RSBN1: variants seen among roughly 807,000 people sequenced by gnomAD.
RSBN1 encodes the protein round spermatid basic protein 1.
In RSBN1, 23 loss-of-function variants were observed where a neutral mutation model predicts 74.8. The observed-to-expected ratio is 0.31, with a 90% CI of 0.22 to 0.44. The LOEUF is 0.44. Among genes scored for constraint, RSBN1 ranks in the 20% least tolerant of loss-of-function variants. RSBN1 has a pLI of 1.00. For synonymous variants in RSBN1, 407 were observed against 379.6 expected, an observed-to-expected ratio of 1.07 and a Z score of -0.84; for missense variants, 808 against 1,020.9, an observed-to-expected ratio of 0.79 and a Z score of 2.84.
intron 2 of RSBN1, among the ~76,000 whole-genome samples, chr1:113,795,630 T>C (rs1225230083): frequency 1.3e-5 from 2 of 152,222 alleles, no homozygotes; most frequent in Admixed American, 1.3e-4. Context: ...ATATCTAATT[T>C]AATCATAATC....
intron 2 of RSBN1, among the ~76,000 whole-genome samples, chr1:113,779,433 T>TC (rs1365183822): frequency 6.6e-6 from 1 of 151,962 alleles, no homozygotes; most frequent in Non-Finnish European, 1.5e-5. Context: ...TTACAAATCC[T>TC]CCCCCCAAGA....
chr1:113,795,658 G>A (rs1272419890), intron 2 of RSBN1, among the ~76,000 whole-genome samples: 8 of 152,156 alleles, frequency 5.3e-5, no homozygotes, highest in Non-Finnish European at 1.0e-4. Flanking sequence ...TTCTTAAAAA[G>A]TGGTTATTTT....
intron 2 of RSBN1, among the ~76,000 whole-genome samples, chr1:113,793,559 T>TA (rs1301550527): frequency 6.6e-6 from 1 of 152,220 alleles, no homozygotes; most frequent in African/African-American, 2.4e-5. Flanking sequence ...TTTCCACTGC[T>TA]ATTGCTGGTT....
In RSBN1 at chr1:113,797,874, C is replaced by T. The variant is rs1414898682; in HGVS notation, c.866G>A (p.Ser289Asn). The T allele has an allele frequency of 6.2e-7, 1 of 1,613,636 alleles. No homozygotes were observed. Among genetic ancestry groups the T allele is most frequent in the African/African-American group, 1.3e-5 (1 of 74,806 alleles). The change falls in exon 2 of 7, where the codon AGT becomes AAT. Residue 289 changes from serine to asparagine, a missense_variant. This residue lies in a region of RSBN1 where 85 missense variants were observed against 126.2 expected (regional missense o/e 0.67). Coordinates refer to ENST00000261441, the MANE Select transcript of RSBN1 (RefSeq NM_018364.5). ...QTVCAGLTRI[S>N]KEILTQGQIN... ...TTGTCCTTGGGTGAGAATTTCTTTA[C>T]TGATGCGGGTCAGGCCAGCACAGAC...
At chr1:113,776,053 T>C (rs1028065990) in intron 4 of RSBN1, among the ~76,000 whole-genome samples, 1 of 152,204 alleles carries the variant, frequency 6.6e-6, no homozygotes, top group Non-Finnish European at 1.5e-5. Flanking sequence ...TTCAGTCTCA[T>C]TAAATTAGAT....
intron 2 of RSBN1, among the ~76,000 whole-genome samples, chr1:113,779,364 CA>C (rs1660091945): frequency 6.6e-6 from 1 of 152,066 alleles, no homozygotes; most frequent in Non-Finnish European, 1.5e-5. Flanking sequence ...CATATATACA[CA>C]GAAAAAAAGG....
At chr1:113,795,261 A>G (rs1197276197) in intron 2 of RSBN1, among the ~76,000 whole-genome samples, 4 of 152,214 alleles carry the variant, frequency 2.6e-5, no homozygotes, top group Non-Finnish European at 5.9e-5. Flanking sequence ...CTTACTAGCT[A>G]TATGACCTTG....
In RSBN1 at chr1:113,766,254, T is replaced by C. The variant is rs750508575; in HGVS notation, c.2135A>G (p.Gln712Arg). ...CATGTTAGAATTGCTTTCTGTGTTT[T>C]GAGTGGCTTCCACAACAGGGTGGTA... is the stretch of plus-strand genomic sequence containing the variant. Reference protein sequence around the residue: ...KQYHPVVEATQNTESNSNMDC... With the variant: ...KQYHPVVEATRNTESNSNMDC... The change falls in exon 7 of 7, where the codon CAA (glutamine) becomes CGA (arginine). Residue 712 changes from glutamine (Q) to arginine (R), a missense_variant. Physicochemically the swap from Gln to Arg is conservative, Grantham distance 43. Transcript: ENST00000261441. The C allele has an allele frequency of 3.0e-5, 48 of 1,614,156 alleles. No homozygotes were observed. The South Asian group carries it at 4.8e-4, about 16-fold the overall frequency.
chr1:113,801,654 A>C (rs2101822806), intron 1 of RSBN1, among the ~76,000 whole-genome samples: 1 of 152,336 alleles, frequency 6.6e-6, no homozygotes, highest in East Asian at 1.9e-4. Context: ...CAAAAGCTAA[A>C]ATTTATTGAC....
rs776588707 is a variant in RSBN1, at chr1:113,812,446, G to A, written c.-34C>T. 7.1e-6 allele frequency: 11 copies of A among 1,550,426 alleles called. No individual in the cohort carries two copies. Among genetic ancestry groups the A allele is most frequent in the African/African-American group, 1.4e-5 (1 of 73,670 alleles). On this transcript the variant is annotated 5_prime_UTR_variant, in exon 1 of 7. Coordinates refer to ENST00000261441, the MANE Select transcript of RSBN1 (RefSeq NM_018364.5). ...CGGCCGTTCCCAGCTTTTCTCCGCA[G>A]GCCTCTCCAACCGAGCTTCTATTGT...
intron 2 of RSBN1, among the ~76,000 whole-genome samples, chr1:113,780,707 T>C (rs545676943): frequency 6.6e-6 from 1 of 152,344 alleles, no homozygotes; most frequent in South Asian, 2.1e-4. Context: ...ACCAATGTTG[T>C]ATCCATGAGT....
chr1:113,774,700 A>C (rs1191764543), intron 4 of RSBN1, among the ~76,000 whole-genome samples: 1 of 151,202 alleles, frequency 6.6e-6, no homozygotes, highest in Non-Finnish European at 1.5e-5. Context: ...ACAACAACAA[A>C]AAACAACTAG....
intron 3 of RSBN1, 144 bp downstream of exon 3, chr1:113,777,527 C>T: frequency 3.2e-6 from 3 of 928,674 alleles, no homozygotes; most frequent in South Asian, 4.5e-5. Flanking sequence ...GTACTTTGTA[C>T]TAATATTATT....
chr1:113,768,370 T>G lies in RSBN1; in HGVS notation c.1678A>C (p.Asn560His). 1.2e-6 allele frequency: 2 copies of G among 1,602,954 alleles called. No individual in the cohort carries two copies. Among genetic ancestry groups the G allele is most frequent in the Non-Finnish European group, 1.7e-6 (2 of 1,174,086 alleles). Residue 560 changes from asparagine to histidine, a missense_variant, in exon 5 of 7, where the codon AAT becomes CAT. Around this residue, in one of 6 missense-constraint regions of RSBN1, gnomAD observed 112 missense variants for 257.3 expected, o/e 0.44. Transcript: ENST00000261441. ...CTGGTCCGAGGTAGGTACTGGAGAT[T>G]TTTTATTTCATTCATTGATCTAGAG... ...KRRRSMNEIK[N>H]LQYLPRTSEP...
intron 4 of RSBN1, among the ~76,000 whole-genome samples, chr1:113,768,778 T>C (rs1250145691): frequency 6.6e-6 from 1 of 152,006 alleles, no homozygotes; most frequent in Non-Finnish European, 1.5e-5. Context: ...GATGGAAATA[T>C]AGCTATAATT....
At chr1:113,794,154 A>G (rs1053791677) in intron 2 of RSBN1, among the ~76,000 whole-genome samples, 2 of 152,078 alleles carry the variant, frequency 1.3e-5, no homozygotes, top group Non-Finnish European at 1.5e-5. Context: ...TCTCACCAAG[A>G]CTAGTTAAAT....
chr1:113,781,942 A>G (rs1263173671), intron 2 of RSBN1, among the ~76,000 whole-genome samples: 1 of 152,122 alleles, frequency 6.6e-6, no homozygotes, highest in Non-Finnish European at 1.5e-5. Context: ...TACTGCTACA[A>G]ATAATCTAGG....
At chr1:113,791,003 C>G (rs1173564481) in intron 2 of RSBN1, among the ~76,000 whole-genome samples, 4 of 152,114 alleles carry the variant, frequency 2.6e-5, no homozygotes, top group Non-Finnish European at 4.4e-5. Flanking sequence ...AAACAAAGAA[C>G]AAGTTGAATT....
chr1:113,765,934 C>A lies in RSBN1; in HGVS notation c.*46G>T. 2 of 1,437,108 alleles carry A rather than the reference C, an allele frequency of 1.4e-6. No homozygotes were observed. The highest frequency in any genetic ancestry group is 1.9e-5 in the Admixed American group (1 of 51,532). 89.0% of individuals were successfully genotyped at this position (1,437,108 alleles called of 1,614,324 possible). A position where few individuals can be genotyped will look rare whatever the true frequency, so the allele number is the denominator to read the frequency against. ...AGCCAGTTATAAAACTATAACTTCA[C>A]ATCAAAATTTAAAAAAGTTAAAAAA... On this transcript the variant is annotated 3_prime_UTR_variant, in exon 7 of 7. Transcript: ENST00000261441.
Sources: allele counts gnomAD v4.1 joint callset (sites outside exome capture counted in the v4.1 genomes callset), GRCh38; gene constraint gnomAD v4.1.1; regional missense constraint gnomAD v4.1.1; transcripts MANE v1.5; gene names NCBI Gene and HGNC (gene_info 2026-07-23, HGNC 2026-07-21).